The following ARHGAP22 variants were observed in gnomAD, a reference collection of about 807,000 sequenced individuals.
ARHGAP22 encodes Rho GTPase activating protein 22.
A neutral mutation model predicts 59.1 loss-of-function variants in ARHGAP22; 48 were observed. The observed-to-expected ratio is 0.81, with a 90% confidence interval of 0.64 to 1.03. The LOEUF (loss-of-function observed/expected upper bound fraction) is 1.03, where lower values mean the gene tolerates loss of function less well. Ranked by LOEUF, ARHGAP22 falls within the 50% of genes least tolerant of loss-of-function variation. The pLI is 0.00. For synonymous variants in ARHGAP22, 445 were observed against 416.4 expected (o/e 1.07, Z -0.84); for missense variants, 1,015 against 958.7 (o/e 1.06, Z -0.78).
intron 3 of ARHGAP22, among the ~76,000 whole-genome samples, chr10:48,519,686 C>A (rs1271295711): frequency 1.3e-5 from 2 of 152,216 alleles, no homozygotes; most frequent in Non-Finnish European, 2.9e-5. Context: ...GGCTGGGGCT[C>A]AGAGATGGAT....
chr10:48,455,115 C>A lies in ARHGAP22; in HGVS notation c.679G>T (p.Val227Leu), dbSNP rs774595774. ...AGGTACAGCTTCAGCAGGGAGGCCA[C>A]CGTGTGCACGTCTGTTGTGCTGTGG... is the stretch of plus-strand genomic sequence containing the variant. ...LFDSTTDVHT[V>L]ASLLKLYLRE... Residue 227 changes from valine (V) to leucine (L), a missense_variant, in exon 6 of 10, where the codon GTG (valine) becomes TTG (leucine). Val to Leu is a conservative substitution (Grantham distance 32, BLOSUM62 1). Coordinates refer to ENST00000249601, the MANE Select transcript of ARHGAP22 (RefSeq NM_021226.4). 1.2e-6 allele frequency: 2 copies of A among 1,611,370 alleles called. No individual in the cohort carries two copies. Among genetic ancestry groups the A allele is most frequent in the Non-Finnish European group, 1.7e-6 (2 of 1,179,054 alleles).
intron 4 of ARHGAP22, among the ~76,000 whole-genome samples, chr10:48,461,345 G>A (rs1450622701): frequency 6.6e-6 from 1 of 152,152 alleles, no homozygotes; most frequent in African/African-American, 2.4e-5. Flanking sequence ...TGGGGTCCTG[G>A]TAACACTGTG....
chr10:48,464,838 G>A (rs1351421286), intron 4 of ARHGAP22, among the ~76,000 whole-genome samples: 1 of 152,050 alleles, frequency 6.6e-6, no homozygotes, highest in African/African-American at 2.4e-5. Context: ...ACTTCCCTGA[G>A]GCCCAGCCCC....
chr10:48,512,899 A>C (rs561310698), intron 3 of ARHGAP22, among the ~76,000 whole-genome samples: 1 of 152,206 alleles, frequency 6.6e-6, no homozygotes, highest in Non-Finnish European at 1.5e-5. Flanking sequence ...GCATCTAGAG[A>C]AGCCTTGAGA....
intron 1 of ARHGAP22, among the ~76,000 whole-genome samples, chr10:48,635,683 C>T (rs1248584581): frequency 6.6e-6 from 1 of 152,248 alleles, no homozygotes; most frequent in Admixed American, 6.5e-5. Context: ...GGGACAGCAG[C>T]AACCTTCATT....
chr10:48,656,013 G>C (rs2062795793), upstream of ARHGAP22: 3 of 152,052 alleles, frequency 2.0e-5, no homozygotes, highest in Admixed American at 1.3e-4. Context: ...CAGAGCGGGC[G>C]GGGCTGCTCA....
intron 1 of ARHGAP22, among the ~76,000 whole-genome samples, chr10:48,641,606 G>C (rs1291270337): frequency 1.3e-5 from 2 of 152,082 alleles, no homozygotes; most frequent in East Asian, 3.8e-4. Context: ...AAAATAATAA[G>C]AGCTATTTAT....
At chr10:48,454,777 C>A (rs987520537) in intron 6 of ARHGAP22, among the ~76,000 whole-genome samples, 8 of 152,130 alleles carry the variant, frequency 5.3e-5, no homozygotes, top group Non-Finnish European at 1.0e-4. Flanking sequence ...AGGTATGGCT[C>A]CAGACAGCAG....
At chr10:48,606,406 C>A (rs2060674567), upstream of ARHGAP22, among the ~76,000 whole-genome samples, 2 of 152,098 alleles carry the variant, frequency 1.3e-5, no homozygotes, top group African/African-American at 4.8e-5. Context: ...AAGGTAGAGT[C>A]CATGGACACA....
intron 3 of ARHGAP22, among the ~76,000 whole-genome samples, chr10:48,503,044 C>T (rs1247103365): frequency 1.3e-5 from 2 of 152,238 alleles, no homozygotes; most frequent in African/African-American, 2.4e-5. Flanking sequence ...GGACGAGGCC[C>T]CCTCGTCTCC....
At chr10:48,495,366 T>C (rs1290978642) in intron 3 of ARHGAP22, among the ~76,000 whole-genome samples, 3 of 152,220 alleles carry the variant, frequency 2.0e-5, no homozygotes, top group African/African-American at 7.2e-5. Context: ...GATATGGTGT[T>C]ACAATGATGA....
intron 2 of ARHGAP22, among the ~76,000 whole-genome samples, chr10:48,577,790 G>GCTCTTTTACTGCT (rs1224313872): frequency 8.5e-6 from 1 of 117,182 alleles, no homozygotes; most frequent in East Asian, 3.2e-4. Flanking sequence ...AGATCTAACT[G>GCTCTTTTACTGCT]CTCTTTTTTG....
At chr10:48,609,916 T>C (rs139035791), upstream of ARHGAP22, among the ~76,000 whole-genome samples, 669 of 152,372 alleles carry the variant, frequency 4.4e-3, 4 homozygotes, top group Non-Finnish European at 7.2e-3. Flanking sequence ...ATTGGGAAAC[T>C]GTGGGATTCA....
Position 48,583,022 on chromosome 10 carries a change from C to T in ARHGAP22, c.165G>A (p.Gln55=), listed in dbSNP as rs1190864651. Residue 55 remains glutamine, a synonymous_variant, in exon 2 of 10, where the codon CAG becomes CAA. Coordinates refer to ENST00000249601, the MANE Select transcript of ARHGAP22 (RefSeq NM_021226.4). ...CCCCACGCAGCACAAACCAGCGCTG[C>T]TGCCAGTTCTTCATGATGCTCCTCT... ...KKQRSIMKNW[Q]QRWFVLRGDQ... 2 of 1,614,148 alleles carry T rather than the reference C, an allele frequency of 1.2e-6. No homozygotes were observed. Among genetic ancestry groups the T allele is most frequent in the East Asian group, 4.5e-5 (2 of 44,896 alleles).
At chr10:48,506,048 C>A (rs1343776510) in intron 3 of ARHGAP22, among the ~76,000 whole-genome samples, 3 of 152,108 alleles carry the variant, frequency 2.0e-5, no homozygotes, top group African/African-American at 7.3e-5. Context: ...ACGCTCCTTC[C>A]CTCTTCACGA....
rs756085780 is a variant in ARHGAP22, at chr10:48,450,248, G to C, written c.1868+13C>G. 6.2e-7 allele frequency: 1 copy of C among 1,606,756 alleles called. No homozygotes were observed. Among genetic ancestry groups the C allele is most frequent in the South Asian group, 1.1e-5 (1 of 89,714 alleles). ...CGCCCCGTCACAGGAGGCTCCACGG[G>C]GCAGCAAGTTACCTTTTCACACTCC... On this transcript the variant is annotated intron_variant, in intron 9 of 9. Transcript: ENST00000249601.
At chr10:48,500,698 G>A (rs2051421680) in intron 3 of ARHGAP22, among the ~76,000 whole-genome samples, 1 of 152,036 alleles carries the variant, frequency 6.6e-6, no homozygotes, top group Non-Finnish European at 1.5e-5. Context: ...GACCAGCCTG[G>A]CTAACATGGT....
intron 1 of ARHGAP22, among the ~76,000 whole-genome samples, chr10:48,638,391 G>A (rs889276413): frequency 6.6e-6 from 1 of 152,106 alleles, no homozygotes; most frequent in Non-Finnish European, 1.5e-5. Context: ...CGGGCCAGGA[G>A]TGTGTGTGTT....
At chr10:48,469,853 G>A (rs1309704950) in intron 4 of ARHGAP22, among the ~76,000 whole-genome samples, 1 of 152,198 alleles carries the variant, frequency 6.6e-6, no homozygotes, top group Admixed American at 6.5e-5. Context: ...GACACCCTGA[G>A]GCTTTCTGGC....
Sources: gnomAD v4.1 joint callset for allele counts (sites outside exome capture counted in the v4.1 genomes callset) on GRCh38, gnomAD v4.1.1 for gene constraint, MANE v1.5 for transcripts, NCBI Gene and HGNC (gene_info 2026-07-23, HGNC 2026-07-21) for gene names.